Variants in FGGY observed in about 807,000 individuals in gnomAD.
FGGY encodes FGGY carbohydrate kinase domain-containing protein.
FGGY carries 72 observed loss-of-function variants against 71.3 expected under a neutral mutation model. That is an observed-to-expected ratio of 1.01 (90% CI 0.84 to 1.23). FGGY has a LOEUF of 1.23. Ranked by LOEUF, FGGY falls within the 50% of genes most tolerant of loss-of-function variation. FGGY has a pLI of 0.00. For synonymous variants in FGGY, 251 were observed against 250.3 expected (o/e 1.00, Z -0.02); for missense variants, 668 against 682.3 (o/e 0.98, Z 0.23).
intron 6 of FGGY, among the ~76,000 whole-genome samples, chr1:59,466,439 G>T (rs1382962509): frequency 2.6e-5 from 4 of 152,166 alleles, no homozygotes; most frequent in Admixed American, 2.0e-4. Context: ...CAGGACATAG[G>T]CATGGGCAAG....
intron 15 of FGGY, among the ~76,000 whole-genome samples, chr1:59,760,252 A>G (rs1277014519): frequency 1.3e-5 from 2 of 152,180 alleles, no homozygotes; most frequent in Non-Finnish European, 2.9e-5. Context: ...GTGAGGTACC[A>G]CCTCACACAT....
intron 6 of FGGY, among the ~76,000 whole-genome samples, chr1:59,501,145 G>C (rs151031300): frequency 6.6e-6 from 1 of 152,304 alleles, no homozygotes; most frequent in East Asian, 1.9e-4. Context: ...TTTGCAAACA[G>C]TAGTCCAGAC....
intron 10 of FGGY, among the ~76,000 whole-genome samples, chr1:59,634,392 C>T (rs1359718389): frequency 1.3e-5 from 2 of 152,058 alleles, no homozygotes; most frequent in Admixed American, 6.5e-5. Flanking sequence ...AGTGACAGAG[C>T]AAGACTCTGT....
intron 5 of FGGY, among the ~76,000 whole-genome samples, chr1:59,455,726 G>C (rs2091621768): frequency 6.6e-6 from 1 of 152,212 alleles, no homozygotes; most frequent in Non-Finnish European, 1.5e-5. Context: ...TATGGTAGAA[G>C]ACATACTCCA....
intron 4 of FGGY, among the ~76,000 whole-genome samples, chr1:59,360,119 C>CTAT (rs1481686336): frequency 3.6e-5 from 4 of 112,466 alleles, no homozygotes; most frequent in African/African-American, 1.3e-4. Context: ...CTTTATTTTT[C>CTAT]TATCATTGTT....
At position 59,489,441 on chromosome 1, in the gene FGGY, T is replaced by C. The variant is rs1291489309; in HGVS notation, c.671-22870T>C. ...TTCTATGAGATCAACATTTTTTAGC[T>C]TCAACATGTGGGCAAGAATATGCAG... is the stretch of plus-strand genomic sequence containing the variant. On this transcript the variant is annotated intron_variant, in intron 6 of 15. Transcript: ENST00000303721. Among the ~76,000 whole-genome samples, 3 of 152,302 alleles carry C rather than the reference T, an allele frequency of 2.0e-5. No homozygotes were observed. The East Asian group carries it at 5.8e-4, about 29-fold the overall frequency.
At chr1:59,528,756 A>C (rs1440307578) in intron 7 of FGGY, among the ~76,000 whole-genome samples, 1 of 152,148 alleles carries the variant, frequency 6.6e-6, no homozygotes, top group Non-Finnish European at 1.5e-5. Flanking sequence ...TGCCTTCTGG[A>C]TTGAGGCCTC....
At chr1:59,613,093 A>T (rs1338605625) in intron 9 of FGGY, among the ~76,000 whole-genome samples, 2 of 152,228 alleles carry the variant, frequency 1.3e-5, no homozygotes, top group African/African-American at 4.8e-5. Flanking sequence ...GATCAACGAG[A>T]CAGAACGTTA....
chr1:59,724,551 A>G (rs1395716662), intron 14 of FGGY, among the ~76,000 whole-genome samples: 4 of 151,764 alleles, frequency 2.6e-5, no homozygotes. Flanking sequence ...CAACTCCTTG[A>G]CGATCACTGA....
intron 8 of FGGY, among the ~76,000 whole-genome samples, chr1:59,560,885 G>A (rs867400780): frequency 6.6e-6 from 1 of 152,038 alleles, no homozygotes; most frequent in South Asian, 2.1e-4. Context: ...TGGCTTCCCC[G>A]CCCCCACTGA....
At chr1:59,742,803 G>A (rs1386825784) in intron 14 of FGGY, among the ~76,000 whole-genome samples, 2 of 152,206 alleles carry the variant, frequency 1.3e-5, no homozygotes, top group African/African-American at 2.4e-5. Flanking sequence ...CTCTCATGGT[G>A]TCTTTCTAAA....
chr1:59,644,844 G>A (rs1008136829), intron 11 of FGGY, among the ~76,000 whole-genome samples: 1 of 152,034 alleles, frequency 6.6e-6, no homozygotes, highest in Non-Finnish European at 1.5e-5. Context: ...GTGCGTGGTG[G>A]CACACACCTA....
At chr1:59,517,761 A>G (rs1308809541) in intron 7 of FGGY, among the ~76,000 whole-genome samples, 1 of 150,582 alleles carries the variant, frequency 6.6e-6, no homozygotes, top group East Asian at 1.9e-4. Flanking sequence ...AGAGTGCTTT[A>G]CATATGGAGG....
intron 5 of FGGY, among the ~76,000 whole-genome samples, chr1:59,439,162 C>T (rs576358319): frequency 3.9e-5 from 6 of 152,138 alleles, no homozygotes; most frequent in Non-Finnish European, 7.3e-5. Context: ...TTTCTCTCCT[C>T]CAGCGTACTG....
chr1:59,309,208 A>G (rs1377893617), intron 1 of FGGY, among the ~76,000 whole-genome samples: 1 of 152,162 alleles, frequency 6.6e-6, no homozygotes, highest in Non-Finnish European at 1.5e-5. Flanking sequence ...CCAAGTGGGT[A>G]TTATCAAAAT....
At chr1:59,749,539 T>TA in intron 14 of FGGY, among the ~76,000 whole-genome samples, 1 of 152,176 alleles carries the variant, frequency 6.6e-6, no homozygotes, top group Middle Eastern at 3.4e-3. Context: ...GTGTTGTAGG[T>TA]AAAAACAGCC....
intron 9 of FGGY, among the ~76,000 whole-genome samples, chr1:59,622,742 T>C (rs1234212594): frequency 6.6e-6 from 1 of 152,178 alleles, no homozygotes; most frequent in Non-Finnish European, 1.5e-5. Context: ...AGAAAGACTG[T>C]GTATTTCTAT....
At chr1:59,540,901 T>A (rs1003468893) in intron 7 of FGGY, among the ~76,000 whole-genome samples, 2 of 152,184 alleles carry the variant, frequency 1.3e-5, no homozygotes, top group African/African-American at 4.8e-5. Flanking sequence ...ACTTCCTGCC[T>A]GTATTAGGTG....
chr1:59,430,331 C>T (rs984065707), intron 5 of FGGY, among the ~76,000 whole-genome samples: 3 of 152,194 alleles, frequency 2.0e-5, no homozygotes, highest in Non-Finnish European at 4.4e-5. Flanking sequence ...TGAATGTTCT[C>T]TGTGGTACAT....
Sources: allele counts gnomAD v4.1 joint callset (sites outside exome capture counted in the v4.1 genomes callset), GRCh38; gene constraint gnomAD v4.1.1; transcripts MANE v1.5; gene names NCBI Gene and HGNC (gene_info 2026-07-23, HGNC 2026-07-21).